The following NT5C1B variants were observed in gnomAD, a reference collection of about 807,000 sequenced individuals.
NT5C1B encodes 5'-nucleotidase, cytosolic IB.
Under a neutral mutation model 57.8 loss-of-function variants are expected in NT5C1B, and 44 were observed. That is an observed-to-expected ratio of 0.76 (90% CI 0.60 to 0.98). The LOEUF (loss-of-function observed/expected upper bound fraction) is 0.98. Ranked by LOEUF, NT5C1B falls within the 50% of genes least tolerant of loss-of-function variation. The pLI is 0.00. For missense variants in NT5C1B, 742 were observed against 719.5 expected (o/e 1.03, Z -0.36); for synonymous variants, 284 against 282.6 (o/e 1.00, Z -0.05).
rs1666521018 is a variant in NT5C1B, at chr2:18,584,677, C to CT, written c.559dup (p.Ser187LysfsTer97). On this transcript the variant is annotated frameshift_variant, in exon 4 of 9. Transcript: ENST00000304081. LOFTEE classifies it high-confidence loss of function. The surrounding 1 kb of genome is among the most constrained non-coding windows in gnomAD (Gnocchi z 5.8). Reference sequence around the variant, plus strand: ...GGCGGGGTAGATCCCCCTGCGCTGGCTGGAGGACTTCCACTCGGTGGGGGA... The same window carrying CT: ...GGCGGGGTAGATCCCCCTGCGCTGGCTTGGAGGACTTCCACTCGGTGGGGGA... The CT allele has an allele frequency of 6.2e-7, 1 of 1,612,046 alleles. No homozygotes were observed. The highest frequency in any genetic ancestry group is 8.5e-7 in the Non-Finnish European group (1 of 1,178,886).
intron 6 of NT5C1B, among the ~76,000 whole-genome samples, chr2:18,580,595 A>C (rs959773698): frequency 2.4e-4 from 37 of 152,374 alleles, no homozygotes; most frequent in African/African-American, 7.7e-4. Context: ...AGCCTGGGCA[A>C]CAAGAGCAAA....
chr2:18,582,943 A>T, exon 6 of NT5C1B: 1 of 1,614,132 alleles, frequency 6.2e-7, no homozygotes, highest in African/African-American at 1.3e-5. Flanking sequence ...ATATCAAATA[A>T]GTCCTGTTCA....
intron 2 of NT5C1B, chr2:18,587,084 C>T (rs1465558977): frequency 2.5e-6 from 4 of 1,614,126 alleles, no homozygotes; most frequent in South Asian, 1.1e-5. Context: ...GGGCTGTTCC[C>T]TCAGCTGCAC....
At chr2:18,563,441 T>C (rs1664351494) in exon 9 of NT5C1B, 1 of 168,618 alleles carries the variant, frequency 5.9e-6, no homozygotes, top group Non-Finnish European at 1.3e-5. Context: ...TAACAATTCA[T>C]TGTTATCTAC....
In NT5C1B at chr2:18,567,995, C is replaced by T. The variant is rs10183289; in HGVS notation, c.1330-3876G>A. 5.9e-3 allele frequency among the ~76,000 whole-genome samples: 897 copies of T among 151,014 alleles called. 10 individuals carry two copies. The highest frequency in any genetic ancestry group is 0.02 in the African/African-American group (841 of 41,084). On this transcript the variant is annotated intron_variant, in intron 8 of 8. Transcript: ENST00000304081. ...CACAGCTGAAGAAATAATGAGTGAA[C>T]TTGAAGACAGGTCAATAGAAATTGC...
intron 8 of NT5C1B, among the ~76,000 whole-genome samples, chr2:18,566,278 G>A (rs1054115658): frequency 2.6e-5 from 4 of 152,058 alleles, no homozygotes; most frequent in African/African-American, 7.2e-5. Context: ...GAAGGTCAAG[G>A]GTAGTATTTG....
chr2:18,585,090 C>G (rs1666577325), intron 3 of NT5C1B, 112 bp from the exon 4 acceptor site: 1 of 1,404,800 alleles, frequency 7.1e-7, no homozygotes, highest in South Asian at 1.2e-5. Context: ...GCTGGTTCAT[C>G]TCAGCTCCTT....
At chr2:18,587,030 C>T (rs1208283528) in intron 2 of NT5C1B, 1 of 1,614,128 alleles carries the variant, frequency 6.2e-7, no homozygotes, top group Admixed American at 1.7e-5. Context: ...GCTCCCACAA[C>T]AGGCACATGT....
At chr2:18,583,217 G>T in intron 5 of NT5C1B, 2 of 418,314 alleles carry the variant, frequency 4.8e-6, no homozygotes, top group Non-Finnish European at 3.9e-6. Flanking sequence ...AGTAATGTTT[G>T]TTGAAAATTG....
In NT5C1B at chr2:18,584,553, C is replaced by G; in HGVS notation, c.684G>C (p.Ser228=). 6.2e-7 allele frequency: 1 copy of G among 1,612,538 alleles called. No homozygotes were observed. Among genetic ancestry groups the G allele is most frequent in the Non-Finnish European group, 8.5e-7 (1 of 1,179,460 alleles). The stretch of plus-strand genomic sequence containing the variant: ...AGCAGCTCGGGTTCTTCTCGTAGAA[C>G]GACCTCATGGATGCCCAGTAGGCAG... The change falls in exon 4 of 9, where the codon TCG becomes TCC. Residue 228 remains serine, a synonymous_variant. Coordinates refer to ENST00000304081, the Ensembl canonical transcript of NT5C1B. The surrounding 1 kb of genome is among the most constrained non-coding windows in gnomAD (Gnocchi z 5.8).
Position 18,576,898 on chromosome 2 carries a change from A to G in NT5C1B, c.1022-3T>C, listed in dbSNP as rs376393480. The stretch of plus-strand genomic sequence containing the variant: ...ACAGAAGCGGTCAATCAGTAAGCCT[A>G]TTATCAGGCAAGAAAGACTTTGTTA... On this transcript the variant is annotated splice_region_variant and splice_polypyrimidine_tract_variant and intron_variant, in intron 6 of 8. Coordinates refer to ENST00000304081, the Ensembl canonical transcript of NT5C1B. 4.8e-5 allele frequency: 78 copies of G among 1,613,368 alleles called. No individual in the cohort carries two copies. The highest frequency in any genetic ancestry group is 6.4e-5 in the Non-Finnish European group (75 of 1,179,724).
At chr2:18,588,541 C>T (rs765318537) in intron 1 of NT5C1B, among the ~76,000 whole-genome samples, 2 of 152,210 alleles carry the variant, frequency 1.3e-5, no homozygotes, top group Non-Finnish European at 2.9e-5. Context: ...AACCCTCACT[C>T]ACCTTATACA....
chr2:18,576,905 G>C lies in NT5C1B; in HGVS notation c.1022-10C>G, dbSNP rs1404323078. On this transcript the variant is annotated splice_polypyrimidine_tract_variant and intron_variant, in intron 6 of 8. Coordinates refer to ENST00000304081, the Ensembl canonical transcript of NT5C1B. Reference sequence around the variant, plus strand: ...CGGTCAATCAGTAAGCCTATTATCAGGCAAGAAAGACTTTGTTATGACAGA... The same window carrying C: ...CGGTCAATCAGTAAGCCTATTATCACGCAAGAAAGACTTTGTTATGACAGA... The C allele has an allele frequency of 6.2e-7, 1 of 1,612,958 alleles. No individual in the cohort carries two copies. The highest frequency in any genetic ancestry group is 8.5e-7 in the Non-Finnish European group (1 of 1,179,580).
chr2:18,586,183 G>C, intron 3 of NT5C1B, 71 bp downstream of exon 3: 1 of 1,571,720 alleles, frequency 6.4e-7, no homozygotes, highest in Non-Finnish European at 8.7e-7. Context: ...CTGGCACGTA[G>C]AAAGCATCAA....
exon 9 of NT5C1B, chr2:18,563,071 T>A (rs959014412): frequency 6.6e-6 from 1 of 151,552 alleles, no homozygotes; most frequent in Non-Finnish European, 1.5e-5. Flanking sequence ...AGGGTCTTTT[T>A]TTTTTTTTTC....
In NT5C1B at chr2:18,581,907, C is replaced by T. The variant is rs544560408; in HGVS notation, c.1021+961G>A. Among the ~76,000 whole-genome samples the T allele has an allele frequency of 1.3e-3, 192 of 152,316 alleles. 1 individual carries two copies. The highest frequency in any genetic ancestry group is 2.1e-3 in the Non-Finnish European group (141 of 68,022). On this transcript the variant is annotated intron_variant, in intron 6 of 8. Coordinates refer to ENST00000304081, the Ensembl canonical transcript of NT5C1B. ...AACAAGGCTGCATGAGAAGGTTGTA[C>T]ACAATCAGTTCATCAGCAGAATTAA...
At chr2:18,585,223 T>C (rs972483585) in intron 3 of NT5C1B, 1 of 761,778 alleles carries the variant, frequency 1.3e-6, no homozygotes, top group Non-Finnish European at 2.4e-6. Context: ...TCACACGTTT[T>C]TATTTGTTTG....
exon 9 of NT5C1B, chr2:18,563,954 T>C: frequency 6.2e-7 from 1 of 1,614,176 alleles, no homozygotes; most frequent in Non-Finnish European, 8.5e-7. Context: ...GCTTCGTCTA[T>C]CTCTAGACCC....
intron 1 of NT5C1B, 72 bp from the exon 2 acceptor site, chr2:18,587,664 A>C: frequency 4.6e-6 from 7 of 1,527,630 alleles, no homozygotes; most frequent in Non-Finnish European, 6.1e-6. Context: ...TTTCAGAATA[A>C]AAGGATAAAG....
Sources: allele counts gnomAD v4.1 joint callset (sites outside exome capture counted in the v4.1 genomes callset), GRCh38; gene constraint gnomAD v4.1.1; non-coding constraint Gnocchi (gnomAD v3.1); transcripts MANE v1.5; gene names NCBI Gene and HGNC (gene_info 2026-07-23, HGNC 2026-07-21).